Variants in CDK8 observed in about 807,000 individuals in gnomAD.
The protein encoded by CDK8 is cyclin dependent kinase 8, also known as cyclin-dependent kinase 8.
Under a neutral mutation model 71.5 loss-of-function variants are expected in CDK8, and 29 were observed. The observed-to-expected ratio is 0.41, with a 90% CI of 0.30 to 0.55. The LOEUF is 0.55. Ranked by LOEUF, CDK8 falls within the 20% of genes least tolerant of loss-of-function variation. CDK8 has a pLI of 0.37. For synonymous variants in CDK8, 161 were observed against 192.1 expected (o/e 0.84, Z 1.34); for missense variants, 288 against 572.6 (o/e 0.50, Z 5.07).
intron 1 of CDK8, among the ~76,000 whole-genome samples, chr13:26,270,092 T>G (rs982837483): frequency 2.0e-5 from 3 of 152,018 alleles, no homozygotes; most frequent in Non-Finnish European, 4.4e-5. Context: ...ATTCATCTAT[T>G]TAAAATATAC....
At chr13:26,379,467 T>C (rs1250609065) in intron 4 of CDK8, among the ~76,000 whole-genome samples, 3 of 152,180 alleles carry the variant, frequency 2.0e-5, no homozygotes, top group African/African-American at 7.2e-5. Flanking sequence ...TCAGTAAGTC[T>C]AGAATAAAAG....
intron 1 of CDK8, among the ~76,000 whole-genome samples, chr13:26,271,970 C>A (rs1350237066): frequency 6.6e-6 from 1 of 151,430 alleles, no homozygotes; most frequent in East Asian, 1.9e-4. Context: ...TTGCTTTACA[C>A]CACTGTAGAC....
chr13:26,326,299 G>T (rs74042610), intron 1 of CDK8, among the ~76,000 whole-genome samples: 7 of 152,050 alleles, frequency 4.6e-5, no homozygotes, highest in African/African-American at 1.2e-4. Context: ...GTTAAATCAC[G>T]AGCAAATTGT....
At chr13:26,384,110 C>G (rs1179978284) in intron 5 of CDK8, among the ~76,000 whole-genome samples, 1 of 152,052 alleles carries the variant, frequency 6.6e-6, no homozygotes, top group Non-Finnish European at 1.5e-5. Flanking sequence ...AATTATAGTT[C>G]TATGTAATAT....
chr13:26,395,825 G>A (rs17084002), intron 7 of CDK8, among the ~76,000 whole-genome samples: 8,976 of 152,112 alleles, frequency 0.059, 886 homozygotes, highest in African/African-American at 0.2. Context: ...CAAGGTGAAA[G>A]GAGGGCTGTA....
intron 5 of CDK8, among the ~76,000 whole-genome samples, chr13:26,384,908 C>T (rs1157874535): frequency 6.6e-6 from 1 of 152,192 alleles, no homozygotes; most frequent in Non-Finnish European, 1.5e-5. Flanking sequence ...CTCAACAACC[C>T]TGTCCCTAAC....
intron 7 of CDK8, among the ~76,000 whole-genome samples, chr13:26,394,679 G>A (rs1366962332): frequency 4.6e-5 from 7 of 152,212 alleles, no homozygotes; most frequent in Admixed American, 3.9e-4. Flanking sequence ...ATGTGGTGAA[G>A]ATGTCTATCA....
chr13:26,300,079 G>A (rs1337324857), intron 1 of CDK8, among the ~76,000 whole-genome samples: 1 of 152,098 alleles, frequency 6.6e-6, no homozygotes, highest in Non-Finnish European at 1.5e-5. Flanking sequence ...GAATCTTCAT[G>A]ATTTTCTTTG....
chr13:26,382,636 T>C (rs1037354525), intron 4 of CDK8, among the ~76,000 whole-genome samples, 178 bp from the exon 5 acceptor site: 14 of 152,232 alleles, frequency 9.2e-5, no homozygotes, highest in Non-Finnish European at 1.5e-5. Flanking sequence ...CTTCATGAAA[T>C]TTGCATACCG....
At chr13:26,398,393 G>A (rs1876093133) in intron 9 of CDK8, among the ~76,000 whole-genome samples, 2 of 152,122 alleles carry the variant, frequency 1.3e-5, no homozygotes, top group Admixed American at 1.3e-4. Context: ...ACTCATTATA[G>A]TCTAGGATGA....
At chr13:26,320,936 A>G (rs893872338) in intron 1 of CDK8, among the ~76,000 whole-genome samples, 4 of 152,230 alleles carry the variant, frequency 2.6e-5, no homozygotes, top group East Asian at 1.9e-4. Context: ...ATGTTAAATA[A>G]TATAGCCACT....
chr13:26,256,222 G>A (rs1871517277), intron 1 of CDK8, among the ~76,000 whole-genome samples: 1 of 152,180 alleles, frequency 6.6e-6, no homozygotes, highest in South Asian at 2.1e-4. Context: ...AGAAATCAGC[G>A]TCTGGAGATA....
intron 1 of CDK8, among the ~76,000 whole-genome samples, chr13:26,286,676 A>G (rs1873035947): frequency 2.0e-5 from 3 of 152,234 alleles, no homozygotes. Flanking sequence ...TAAACGAAAA[A>G]GCTTCTGCAC....
chr13:26,382,840 T>C lies in CDK8; in HGVS notation c.483T>C (p.Gly161=), dbSNP rs1223760227. The C allele has an allele frequency of 3.1e-6, 5 of 1,602,532 alleles. No individual in the cohort carries two copies. The African/African-American group carries it at 6.7e-5, about 22-fold the overall frequency. The part of the protein sequence containing the change: ...DLKPANILVM[G]EGPERGRVKI... Reference sequence around the variant, plus strand: ...AACCTGCTAATATTTTAGTTATGGGTGAAGGTCCTGAGCGAGGAAGAGTAA... The same window carrying C: ...AACCTGCTAATATTTTAGTTATGGGCGAAGGTCCTGAGCGAGGAAGAGTAA... The change falls in exon 5 of 13, where the codon GGT becomes GGC. Residue 161 remains glycine (G), a synonymous_variant. Transcript: ENST00000381527.
chr13:26,319,009 A>G (rs916383783), intron 1 of CDK8, among the ~76,000 whole-genome samples: 1 of 152,210 alleles, frequency 6.6e-6, no homozygotes, highest in East Asian at 1.9e-4. Flanking sequence ...ATATAATCTT[A>G]TATATAGAAA....
At chr13:26,264,233 C>T (rs1871921227) in intron 1 of CDK8, among the ~76,000 whole-genome samples, 1 of 151,760 alleles carries the variant, frequency 6.6e-6, no homozygotes. Context: ...AAATATTTGG[C>T]ATTTCATTAT....
At chr13:26,320,504 A>G (rs996792547) in intron 1 of CDK8, among the ~76,000 whole-genome samples, 22 of 152,230 alleles carry the variant, frequency 1.4e-4, no homozygotes, top group African/African-American at 4.3e-4. Flanking sequence ...GGCACAGGCA[A>G]TAAAAGAAAA....
At chr13:26,373,741 T>A (rs1465805200) in intron 4 of CDK8, among the ~76,000 whole-genome samples, 2 of 152,034 alleles carry the variant, frequency 1.3e-5, no homozygotes, top group African/African-American at 2.4e-5. Flanking sequence ...AACAAAAAAA[T>A]TTATCAAAAA....
chr13:26,336,548 G>GTTTTTTT (rs1872993282), intron 1 of CDK8, among the ~76,000 whole-genome samples: 1 of 142,140 alleles, frequency 7.0e-6, no homozygotes, highest in African/African-American at 2.8e-5. Context: ...TCTCTGAGGA[G>GTTTTTTT]TCTTTTTTTT....
Sources: gnomAD v4.1 joint callset for allele counts (sites outside exome capture counted in the v4.1 genomes callset) on GRCh38, gnomAD v4.1.1 for gene constraint, MANE v1.5 for transcripts, NCBI Gene and HGNC (gene_info 2026-07-23, HGNC 2026-07-21) for gene names.